The following DENND5B variants were observed in gnomAD, a reference collection of about 807,000 sequenced individuals.
The protein encoded by DENND5B is DENN domain containing 5B.
In DENND5B, 34 loss-of-function variants were observed where a neutral mutation model predicts 140.6. The ratio of observed to expected loss-of-function variants is 0.24; its 90% CI spans 0.18 to 0.32. DENND5B has a LOEUF of 0.32. Among genes scored for constraint, DENND5B ranks in the 10% least tolerant of loss-of-function variants. The pLI is 1.00. For synonymous variants in DENND5B, 551 were observed against 562.1 expected (o/e 0.98, Z 0.28); for missense variants, 1,142 against 1,560.2 (o/e 0.73, Z 4.52).
intron 1 of DENND5B, among the ~76,000 whole-genome samples, chr12:31,554,059 TTA>T (rs1487578897): frequency 6.6e-6 from 1 of 152,222 alleles, no homozygotes; most frequent in Admixed American, 6.5e-5. Flanking sequence ...TTTAGCCCAT[TTA>T]CATTTAAAGT....
chr12:31,423,398 C>T (rs1356178596), intron 11 of DENND5B, among the ~76,000 whole-genome samples, 199 bp downstream of exon 11: 3 of 152,154 alleles, frequency 2.0e-5, no homozygotes, highest in African/African-American at 4.8e-5. Flanking sequence ...TTATAGATGA[C>T]GAAGCAGGAC....
chr12:31,428,806 A>G (rs111516804), intron 8 of DENND5B, among the ~76,000 whole-genome samples: 23,065 of 152,004 alleles, frequency 0.15, 1,967 homozygotes, highest in East Asian at 0.25. Flanking sequence ...ATCTCGGCTC[A>G]CTGCAAGCTC....
Position 31,389,485 on chromosome 12 carries a change from A to G in DENND5B, c.3480T>C (p.Ala1160=), listed in dbSNP as rs1565532073. 4.4e-6 allele frequency: 7 copies of G among 1,586,838 alleles called. No individual in the cohort carries two copies. Among genetic ancestry groups the G allele is most frequent in the Non-Finnish European group, 5.1e-6 (6 of 1,165,432 alleles). The change falls in exon 20 of 21, where the codon GCT becomes GCC. Residue 1160 remains alanine, a synonymous_variant. Coordinates refer to ENST00000389082, the MANE Select transcript of DENND5B (RefSeq NM_144973.4). ...GAATCTGGTCAGTTGTTTCAAAATA[A>G]GCAACCACTTTCTCTGAGGAAAAAA... ...FIWDFIEKVV[A]YFETTDQILD... is the part of the protein sequence containing the mutation.
chr12:31,423,355 C>A lies in DENND5B; in HGVS notation c.2470+242G>T, dbSNP rs559629472. ...TGATACCTTATTTGATCAGCATGAC[C>A]GTTCTAGCCTAGGTAATCTCATTTT... On this transcript the variant is annotated intron_variant, in intron 11 of 20. Coordinates refer to ENST00000389082, the MANE Select transcript of DENND5B (RefSeq NM_144973.4). Among the ~76,000 whole-genome samples the A allele has an allele frequency of 1.3e-4, 20 of 152,228 alleles. 1 individual carries two copies. The South Asian group carries it at 2.7e-3, about 21-fold the overall frequency.
chr12:31,419,845 C>T (rs112584976), intron 11 of DENND5B, among the ~76,000 whole-genome samples: 1,720 of 151,846 alleles, frequency 0.011, 19 homozygotes, highest in East Asian at 0.031. Flanking sequence ...TGGTGGCACA[C>T]GCCTGTAATC....
intron 1 of DENND5B, among the ~76,000 whole-genome samples, chr12:31,503,124 C>A (rs1947073517): frequency 6.6e-6 from 1 of 152,088 alleles, no homozygotes; most frequent in Non-Finnish European, 1.5e-5. Flanking sequence ...AGAAGGAGAC[C>A]TCAATAATTA....
chr12:31,492,126 C>T (rs997216988), intron 2 of DENND5B, among the ~76,000 whole-genome samples: 2 of 152,048 alleles, frequency 1.3e-5, no homozygotes, highest in African/African-American at 4.8e-5. Flanking sequence ...AGATTTGCAG[C>T]AATAAAAAAA....
intron 1 of DENND5B, among the ~76,000 whole-genome samples, chr12:31,564,019 A>G (rs1392752383): frequency 6.6e-6 from 1 of 152,224 alleles, no homozygotes; most frequent in Non-Finnish European, 1.5e-5. Flanking sequence ...AGGGAGGCTG[A>G]GGCAGGAGAA....
chr12:31,411,653 T>G (rs941282878), intron 13 of DENND5B, among the ~76,000 whole-genome samples: 1 of 151,944 alleles, frequency 6.6e-6, no homozygotes, highest in Non-Finnish European at 1.5e-5. Flanking sequence ...AATAACTTTT[T>G]GTAATTGGAA....
At chr12:31,421,205 T>C (rs746256901) in intron 11 of DENND5B, among the ~76,000 whole-genome samples, 1 of 151,740 alleles carries the variant, frequency 6.6e-6, no homozygotes, top group East Asian at 2.0e-4. Flanking sequence ...CACCCATGCC[T>C]GGCTAATTTT....
intron 8 of DENND5B, among the ~76,000 whole-genome samples, chr12:31,429,175 A>T (rs1212818035): frequency 1.5e-5 from 2 of 137,572 alleles, no homozygotes; most frequent in East Asian, 4.5e-4. Flanking sequence ...CCCGGCTGTA[A>T]TTTTTGTATT....
At chr12:31,550,960 T>C in intron 1 of DENND5B, among the ~76,000 whole-genome samples, 1 of 133,200 alleles carries the variant, frequency 7.5e-6, no homozygotes, top group South Asian at 2.3e-4. Flanking sequence ...TTCTGGATAT[T>C]AGCCCTTTGT....
intron 14 of DENND5B, among the ~76,000 whole-genome samples, chr12:31,403,821 G>A (rs1298509005): frequency 8.5e-5 from 12 of 141,582 alleles, no homozygotes; most frequent in Non-Finnish European, 1.4e-4. Context: ...GCTTGAACCC[G>A]GGAGGCAGAG....
At chr12:31,461,783 G>A (rs1945033230) in intron 3 of DENND5B, among the ~76,000 whole-genome samples, 1 of 152,120 alleles carries the variant, frequency 6.6e-6, no homozygotes, top group African/African-American at 2.4e-5. Flanking sequence ...TGGATTGTGG[G>A]CTTGTAATAA....
intron 1 of DENND5B, among the ~76,000 whole-genome samples, chr12:31,531,628 A>G (rs535618829): frequency 6.6e-6 from 1 of 152,364 alleles, no homozygotes; most frequent in Admixed American, 6.5e-5. Context: ...AGTTACTTCC[A>G]TAAGAAAAGT....
chr12:31,510,623 A>G (rs1947374898), intron 1 of DENND5B, among the ~76,000 whole-genome samples: 1 of 152,098 alleles, frequency 6.6e-6, no homozygotes, highest in African/African-American at 2.4e-5. Flanking sequence ...TGTATATGGC[A>G]CCCAACATCT....
At chr12:31,512,757 A>C (rs1947479305) in intron 1 of DENND5B, among the ~76,000 whole-genome samples, 1 of 152,148 alleles carries the variant, frequency 6.6e-6, no homozygotes, top group African/African-American at 2.4e-5. Flanking sequence ...GTTTTAAGAA[A>C]CTTTTTAAAA....
intron 1 of DENND5B, among the ~76,000 whole-genome samples, chr12:31,579,972 TA>T (rs11305555): frequency 0.14 from 20,753 of 149,626 alleles, 1,659 homozygotes; most frequent in Non-Finnish European, 0.18. Context: ...AAAATATATA[TA>T]AAAAAATATA....
At chr12:31,499,204 T>C (rs970093164) in intron 1 of DENND5B, among the ~76,000 whole-genome samples, 1 of 151,864 alleles carries the variant, frequency 6.6e-6, no homozygotes, top group African/African-American at 2.4e-5. Context: ...AAATGAAAAA[T>C]TACATAAGCA....
Sources: gnomAD v4.1 joint callset for allele counts (sites outside exome capture counted in the v4.1 genomes callset) on GRCh38, gnomAD v4.1.1 for gene constraint, MANE v1.5 for transcripts, NCBI Gene and HGNC (gene_info 2026-07-23, HGNC 2026-07-21) for gene names.